The following ARHGAP24 variants were observed in gnomAD, a reference collection of about 807,000 sequenced individuals.
ARHGAP24 encodes rho GTPase-activating protein 24.
In ARHGAP24, 50 loss-of-function variants were observed where a neutral mutation model predicts 76.4. The ratio of observed to expected loss-of-function variants is 0.65; its 90% CI spans 0.52 to 0.83. ARHGAP24 has a LOEUF of 0.83. Among genes scored for constraint, ARHGAP24 ranks in the 40% least tolerant of loss-of-function variants. The probability of loss-of-function intolerance (pLI) is 0.00; values close to 1 mark genes in which losing one functional copy is unlikely to be tolerated. For synonymous variants in ARHGAP24, 345 were observed against 323.3 expected (o/e 1.07, Z -0.72); for missense variants, 930 against 914.2 (o/e 1.02, Z -0.22).
chr4:85,995,272 T>C lies in ARHGAP24; in HGVS notation c.1618T>C (p.Ser540Pro). 6.2e-7 allele frequency: 1 copy of C among 1,613,972 alleles called. No individual in the cohort carries two copies. Among genetic ancestry groups the C allele is most frequent in the African/African-American group, 1.3e-5 (1 of 74,966 alleles). ...STYDNVHQQF[S>P]MMNLDDKQSI... ...CTATGATAATGTCCATCAACAGTTC[T>C]CCATGATGAACCTTGATGACAAGCA... Residue 540 changes from serine (S) to proline (P), a missense_variant, in exon 9 of 10, where the codon TCC (serine) becomes CCC (proline). Ser to Pro is a moderately conservative substitution (Grantham distance 74). Coordinates refer to ENST00000395184, the MANE Select transcript of ARHGAP24 (RefSeq NM_001025616.3).
chr4:85,486,080 A>G (rs146452112), intron 1 of ARHGAP24, among the ~76,000 whole-genome samples: 124 of 152,256 alleles, frequency 8.1e-4, no homozygotes, highest in African/African-American at 2.7e-3. Context: ...TGCATTTGGC[A>G]GAACTCTGAA....
At chr4:85,573,060 TAG>T (rs1727204351) in intron 2 of ARHGAP24, among the ~76,000 whole-genome samples, 1 of 151,986 alleles carries the variant, frequency 6.6e-6, no homozygotes, top group African/African-American at 2.4e-5. Context: ...GTATTTTTAG[TAG>T]AGACGGGTTT....
At position 85,921,270 on chromosome 4, in the gene ARHGAP24, C is replaced by T. The variant is rs186464645; in HGVS notation, c.269-2378C>T. 7.2e-5 allele frequency among the ~76,000 whole-genome samples: 11 copies of T among 152,246 alleles called. No individual in the cohort carries two copies. The East Asian group carries it at 2.1e-3, about 29-fold the overall frequency. On this transcript the variant is annotated intron_variant, in intron 3 of 9. Coordinates refer to ENST00000395184, the MANE Select transcript of ARHGAP24 (RefSeq NM_001025616.3). The stretch of plus-strand genomic sequence containing the variant: ...GCTGGAGGCCATTATCCTTAGCAAA[C>T]TACCACAGGAACAGAAAACCAAATA...
Position 85,940,046 on chromosome 4 carries a change from G to A in ARHGAP24, c.392-2020G>A, listed in dbSNP as rs547103172. The stretch of plus-strand genomic sequence containing the variant: ...AACAGTAGAGGCAAATAAGCATCAC[G>A]TTTGTTTTCAAAGCTCTCCACAGAA... On this transcript the variant is annotated intron_variant, in intron 4 of 9. Coordinates refer to ENST00000395184, the MANE Select transcript of ARHGAP24 (RefSeq NM_001025616.3). 1.2e-4 allele frequency among the ~76,000 whole-genome samples: 18 copies of A among 152,208 alleles called. No individual in the cohort carries two copies. The East Asian group carries it at 3.5e-3, about 29-fold the overall frequency.
chr4:85,650,510 T>C (rs753722402), intron 2 of ARHGAP24, among the ~76,000 whole-genome samples: 38 of 149,654 alleles, frequency 2.5e-4, no homozygotes, highest in Admixed American at 5.9e-4. Context: ...ACCTGTCTTA[T>C]TGTTGATGTG....
chr4:85,733,355 G>C (rs4302455), intron 3 of ARHGAP24, among the ~76,000 whole-genome samples: 60,630 of 151,564 alleles, frequency 0.4, 13,509 homozygotes, highest in East Asian at 0.91. Flanking sequence ...GAGCCACCAC[G>C]CTGGGCCCAG....
rs914175399 is a variant in ARHGAP24 at position 85,765,314 on chromosome 4, T to A, written c.268+43342T>A. Among the ~76,000 whole-genome samples the A allele has an allele frequency of 4.6e-5, 7 of 152,180 alleles. No homozygotes were observed. The East Asian group carries it at 1.4e-3, about 29-fold the overall frequency. On this transcript the variant is annotated intron_variant, in intron 3 of 9. Coordinates refer to ENST00000395184, the MANE Select transcript of ARHGAP24 (RefSeq NM_001025616.3). ...TAGAATATTAGAGCACACCTGCAAGTGGCATTAAAACGTTTTTGTTTTAAC... is the reference window on the plus strand; with the variant it reads ...TAGAATATTAGAGCACACCTGCAAGAGGCATTAAAACGTTTTTGTTTTAAC...
At chr4:85,806,948 A>G (rs1040731856) in intron 3 of ARHGAP24, among the ~76,000 whole-genome samples, 2 of 152,184 alleles carry the variant, frequency 1.3e-5, no homozygotes, top group Admixed American at 1.3e-4. Flanking sequence ...CAAAAGACCT[A>G]TATTATGCTG....
intron 2 of ARHGAP24, among the ~76,000 whole-genome samples, chr4:85,583,564 G>A (rs893652895): frequency 6.6e-6 from 1 of 151,888 alleles, no homozygotes; most frequent in Non-Finnish European, 1.5e-5. Flanking sequence ...ACCTAAAGCA[G>A]TGGCAACAAA....
chr4:85,839,848 T>C (rs1456496953), intron 3 of ARHGAP24, among the ~76,000 whole-genome samples: 4 of 127,296 alleles, frequency 3.1e-5, no homozygotes, highest in African/African-American at 1.2e-4. Flanking sequence ...GTTTTCTTTT[T>C]TTTTTTTTTT....
At chr4:85,505,601 T>C (rs1724011514) in intron 1 of ARHGAP24, among the ~76,000 whole-genome samples, 2 of 152,108 alleles carry the variant, frequency 1.3e-5, no homozygotes, top group Non-Finnish European at 2.9e-5. Context: ...TCTACACTGT[T>C]TGTTCCAGTT....
chr4:85,971,764 C>T (rs889827906), intron 5 of ARHGAP24, among the ~76,000 whole-genome samples: 2 of 152,062 alleles, frequency 1.3e-5, no homozygotes, highest in African/African-American at 2.4e-5. Context: ...ACTCCCACCC[C>T]ACCCACGGAC....
At chr4:85,551,646 C>T (rs1210396134) in intron 1 of ARHGAP24, among the ~76,000 whole-genome samples, 2 of 152,040 alleles carry the variant, frequency 1.3e-5, no homozygotes, top group Non-Finnish European at 2.9e-5. Context: ...TAGAATTTGG[C>T]TGTGGTCCTG....
At chr4:85,773,529 T>G (rs1046550669) in intron 3 of ARHGAP24, among the ~76,000 whole-genome samples, 2 of 152,274 alleles carry the variant, frequency 1.3e-5, no homozygotes, top group Non-Finnish European at 2.9e-5. Context: ...TGGTTCTATC[T>G]CCTCAAGGCA....
At chr4:85,865,362 A>G (rs1316522061) in intron 3 of ARHGAP24, among the ~76,000 whole-genome samples, 1 of 151,080 alleles carries the variant, frequency 6.6e-6, no homozygotes, top group Non-Finnish European at 1.5e-5. Context: ...TTCTCAGTTT[A>G]AAACTCAGAG....
chr4:85,814,311 C>T (rs978354199), intron 3 of ARHGAP24, among the ~76,000 whole-genome samples: 2 of 152,162 alleles, frequency 1.3e-5, no homozygotes, highest in African/African-American at 4.8e-5. Context: ...TAACTCATTT[C>T]AGCATTAACT....
intron 3 of ARHGAP24, among the ~76,000 whole-genome samples, chr4:85,786,127 C>T (rs1042208711): frequency 5.9e-5 from 9 of 152,086 alleles, no homozygotes; most frequent in Admixed American, 5.9e-4. Context: ...TTAATGATCT[C>T]GTAATTAACC....
At chr4:85,836,781 AG>A (rs777808909) in intron 3 of ARHGAP24, among the ~76,000 whole-genome samples, 6 of 152,340 alleles carry the variant, frequency 3.9e-5, no homozygotes, top group Non-Finnish European at 8.8e-5. Flanking sequence ...TGCTATTCGA[AG>A]TGTGGTCAGT....
intron 3 of ARHGAP24, among the ~76,000 whole-genome samples, chr4:85,749,484 A>G (rs1244356897): frequency 3.3e-5 from 5 of 152,206 alleles, no homozygotes; most frequent in African/African-American, 9.6e-5. Flanking sequence ...TTCTCAGACA[A>G]TCTTGTCGGA....
Sources: gnomAD v4.1 joint callset for allele counts (sites outside exome capture counted in the v4.1 genomes callset) on GRCh38, gnomAD v4.1.1 for gene constraint, MANE v1.5 for transcripts, NCBI Gene and HGNC (gene_info 2026-07-23, HGNC 2026-07-21) for gene names.